Variants in SRFBP1 observed in about 807,000 individuals in gnomAD.
SRFBP1 encodes serum response factor-binding protein 1.
In SRFBP1, 47 loss-of-function variants were observed where a neutral mutation model predicts 45.5. The ratio of observed to expected loss-of-function variants is 1.03; its 90% CI spans 0.82 to 1.32. SRFBP1 has a LOEUF of 1.32. SRFBP1 is among the 40% of genes most tolerant of loss of function. The probability of loss-of-function intolerance (pLI) is 0.00; values close to 1 mark genes in which losing one functional copy is unlikely to be tolerated. For missense variants in SRFBP1, 621 were observed against 484.6 expected, an observed-to-expected ratio of 1.28 and a Z score of -2.64; for synonymous variants, 203 against 166.3, an observed-to-expected ratio of 1.22 and a Z score of -1.70.
chr5:122,020,448 G>T lies in SRFBP1; in HGVS notation c.713G>T (p.Gly238Val), dbSNP rs756976586. ...CTAAGTCAAACCAAAAAAAACAAAG[G>T]ATCTGATAGCTCACTCTCTGGTAAC... ...KTLSQTKKNKGSDSSLSGNSD... is the reference protein window; with the variant it reads ...KTLSQTKKNKVSDSSLSGNSD... The change falls in exon 6 of 8, where the codon GGA becomes GTA. Residue 238 changes from glycine (G) to valine (V), a missense_variant. Transcript: ENST00000339397. 1.2e-6 allele frequency: 2 copies of T among 1,614,058 alleles called. No individual in the cohort carries two copies. The highest frequency in any genetic ancestry group is 1.7e-6 in the Non-Finnish European group (2 of 1,179,986).
chr5:121,999,548 C>T (rs1021431196), intron 4 of SRFBP1, among the ~76,000 whole-genome samples: 2 of 151,980 alleles, frequency 1.3e-5, no homozygotes, highest in African/African-American at 4.8e-5. Context: ...TTGGAACCTC[C>T]ATCTATGAAT....
chr5:122,063,213 T>A (rs1022544499), intron 2 of SRFBP1: 1 of 151,996 alleles, frequency 6.6e-6, no homozygotes, highest in Admixed American at 6.6e-5. Context: ...AAATCATTTA[T>A]TCAAGGCATT....
At chr5:121,968,230 T>G (rs1196241008) in intron 1 of SRFBP1, among the ~76,000 whole-genome samples, 3 of 145,502 alleles carry the variant, frequency 2.1e-5, no homozygotes, top group Admixed American at 7.0e-5. Flanking sequence ...TCATTATTAT[T>G]ATTATTATTA....
intron 4 of SRFBP1, among the ~76,000 whole-genome samples, chr5:122,000,440 T>A (rs1330371210): frequency 6.6e-6 from 1 of 152,140 alleles, no homozygotes; most frequent in Non-Finnish European, 1.5e-5. Flanking sequence ...TATTTGTTTT[T>A]CCTGAAGACT....
At chr5:121,978,180 T>C (rs976746489) in intron 3 of SRFBP1, among the ~76,000 whole-genome samples, 16 of 152,310 alleles carry the variant, frequency 1.1e-4, no homozygotes, top group Middle Eastern at 6.8e-3. Flanking sequence ...TATTATGTGT[T>C]TTATATTTAC....
intron 2 of SRFBP1, among the ~76,000 whole-genome samples, chr5:122,053,249 T>A (rs79147084): frequency 0.038 from 5,816 of 152,094 alleles, 323 homozygotes; most frequent in African/African-American, 0.12. Flanking sequence ...CTGTCTGGCT[T>A]TAGGAGGCAG....
In SRFBP1 at chr5:122,020,442, A is replaced by G. The variant is rs1362058779; in HGVS notation, c.707A>G (p.Asn236Ser). 1 of 1,614,032 alleles carries G rather than the reference A, an allele frequency of 6.2e-7. No individual in the cohort carries two copies. Among genetic ancestry groups the G allele is most frequent in the Non-Finnish European group, 8.5e-7 (1 of 1,180,014 alleles). ...KLKTLSQTKKNKGSDSSLSGN... is the reference protein window; with the variant it reads ...KLKTLSQTKKSKGSDSSLSGN... ...AAAACTCTAAGTCAAACCAAAAAAAACAAAGGATCTGATAGCTCACTCTCT... is the reference window on the plus strand; with the variant it reads ...AAAACTCTAAGTCAAACCAAAAAAAGCAAAGGATCTGATAGCTCACTCTCT... The change falls in exon 6 of 8, where the codon AAC (asparagine) becomes AGC (serine). Residue 236 changes from asparagine (N) to serine (S), a missense_variant. By Grantham distance (46) the Asn-to-Ser change is conservative. Coordinates refer to ENST00000339397, the MANE Select transcript of SRFBP1 (RefSeq NM_152546.3).
chr5:121,979,716 T>C (rs72786955), intron 3 of SRFBP1, among the ~76,000 whole-genome samples: 4,597 of 152,258 alleles, frequency 0.03, 105 homozygotes, highest in Middle Eastern at 0.058. Flanking sequence ...TGGGACACTA[T>C]GTAATTCCAC....
At chr5:122,026,121 A>T (rs866144144) in intron 7 of SRFBP1, among the ~76,000 whole-genome samples, 1 of 152,212 alleles carries the variant, frequency 6.6e-6, no homozygotes, top group African/African-American at 2.4e-5. Context: ...AATGATTCCT[A>T]ACTTGCAATG....
intron 1 of SRFBP1, among the ~76,000 whole-genome samples, chr5:121,965,617 G>T (rs1222091238): frequency 6.6e-6 from 1 of 152,158 alleles, no homozygotes; most frequent in Admixed American, 6.5e-5. Flanking sequence ...TTGAAGTCAG[G>T]TAGCATGATG....
intron 2 of SRFBP1, among the ~76,000 whole-genome samples, chr5:122,042,296 T>C (rs1753785633): frequency 6.6e-6 from 1 of 152,178 alleles, no homozygotes; most frequent in African/African-American, 2.4e-5. Context: ...TGAGACAGGG[T>C]CTCACTGTGT....
chr5:122,057,600 T>G (rs1412898222), intron 2 of SRFBP1, among the ~76,000 whole-genome samples: 1 of 151,646 alleles, frequency 6.6e-6, no homozygotes, highest in African/African-American at 2.4e-5. Flanking sequence ...GTGTTGAGAT[T>G]GCTGGTGTGT....
Position 121,975,336 on chromosome 5 carries a change from A to G in SRFBP1, c.147A>G (p.Leu49=). 1 of 1,613,274 alleles carries G rather than the reference A, an allele frequency of 6.2e-7. No homozygotes were observed. The highest frequency in any genetic ancestry group is 8.5e-7 in the Non-Finnish European group (1 of 1,179,314). The part of the protein sequence containing the change: ...KSKKGTEDAL[L]KNQRRAQRLL... ...GCAGGGGTACTGAAGATGCACTGTT[A>G]AAAAACCAAAGACGGGCGCAAAGAT... Residue 49 remains leucine (L), a synonymous_variant, in exon 3 of 8, where the codon TTA becomes TTG. Transcript: ENST00000339397.
At chr5:122,033,618 C>T (rs970060814), downstream of SRFBP1, among the ~76,000 whole-genome samples, 5 of 151,604 alleles carry the variant, frequency 3.3e-5, no homozygotes, top group Admixed American at 6.6e-5. Context: ...CCTGTCACCA[C>T]GCCTGGTTTT....
At chr5:121,986,896 A>G (rs1353342043) in intron 3 of SRFBP1, among the ~76,000 whole-genome samples, 8 of 152,152 alleles carry the variant, frequency 5.3e-5, no homozygotes, top group Non-Finnish European at 1.2e-4. Flanking sequence ...ATATTGAGGT[A>G]GAAAATTTAT....
intron 2 of SRFBP1, among the ~76,000 whole-genome samples, chr5:122,047,253 C>A (rs1458519263): frequency 6.6e-6 from 1 of 152,112 alleles, no homozygotes; most frequent in African/African-American, 2.4e-5. Flanking sequence ...CCAGTTTCAG[C>A]TTTCTACATA....
chr5:122,054,672 A>C (rs1047858681), intron 2 of SRFBP1, among the ~76,000 whole-genome samples: 2 of 152,184 alleles, frequency 1.3e-5, no homozygotes, highest in African/African-American at 2.4e-5. Flanking sequence ...GTAATGATTA[A>C]ATTAATATAT....
intron 3 of SRFBP1, among the ~76,000 whole-genome samples, chr5:121,978,425 A>G (rs1464727218): frequency 2.0e-5 from 3 of 152,186 alleles, no homozygotes; most frequent in South Asian, 4.1e-4. Flanking sequence ...AGACTGAAAG[A>G]TGTGCAACGT....
At chr5:122,001,121 T>C (rs1200941478) in intron 4 of SRFBP1, among the ~76,000 whole-genome samples, 1 of 152,050 alleles carries the variant, frequency 6.6e-6, no homozygotes, top group Non-Finnish European at 1.5e-5. Context: ...TGAGAATCAC[T>C]ATTCTCAAAA....
Sources: gnomAD v4.1 joint callset for allele counts (sites outside exome capture counted in the v4.1 genomes callset) on GRCh38, gnomAD v4.1.1 for gene constraint, MANE v1.5 for transcripts, NCBI Gene and HGNC (gene_info 2026-07-23, HGNC 2026-07-21) for gene names.